DDAH1: variants seen among roughly 807,000 people sequenced by gnomAD.
DDAH1 encodes the protein dimethylarginine dimethylaminohydrolase 1.
Under a neutral mutation model 28.8 loss-of-function variants are expected in DDAH1, and 19 were observed. The ratio of observed to expected loss-of-function variants is 0.66; its 90% CI spans 0.46 to 0.97. DDAH1 has a LOEUF of 0.97. Ranked by LOEUF, DDAH1 falls within the 50% of genes least tolerant of loss-of-function variation. The pLI is 0.00. For missense variants in DDAH1, 326 were observed against 375.9 expected (o/e 0.87, Z 1.10); for synonymous variants, 153 against 154.4 (o/e 0.99, Z 0.07).
chr1:85,571,556 C>G (rs1659453260), intron 1 of DDAH1, among the ~76,000 whole-genome samples: 1 of 152,208 alleles, frequency 6.6e-6, no homozygotes, highest in Admixed American at 6.5e-5. Flanking sequence ...GCAGCTAGAG[C>G]CATGAAGCAA....
At chr1:85,373,332 T>C (rs1266616775) in intron 1 of DDAH1, among the ~76,000 whole-genome samples, 1 of 152,128 alleles carries the variant, frequency 6.6e-6, no homozygotes, top group African/African-American at 2.4e-5. Context: ...GAGTATCTGA[T>C]ATGGTTTGGC....
chr1:85,354,677 T>TTG (rs1649397853), intron 2 of DDAH1, among the ~76,000 whole-genome samples: 1 of 152,082 alleles, frequency 6.6e-6, no homozygotes, highest in South Asian at 2.1e-4. Flanking sequence ...AAAAAAAACC[T>TTG]CATTACCTTT....
chr1:85,323,419 G>C (rs796437031), intron 5 of DDAH1, among the ~76,000 whole-genome samples: 5 of 152,280 alleles, frequency 3.3e-5, no homozygotes, highest in South Asian at 4.1e-4. Context: ...AAAGTATATA[G>C]ATGAGACTGG....
intron 1 of DDAH1, among the ~76,000 whole-genome samples, chr1:85,574,326 CA>C (rs149730749): frequency 0.038 from 5,836 of 152,270 alleles, 411 homozygotes; most frequent in African/African-American, 0.13. Context: ...GAAACCTAGG[CA>C]AAAAGCTCAC....
At chr1:85,481,103 T>TTTG (rs1553140292) in intron 2 of DDAH1, among the ~76,000 whole-genome samples, 2 of 146,340 alleles carry the variant, frequency 1.4e-5, no homozygotes, top group East Asian at 2.0e-4. Flanking sequence ...TTTTTGTTTT[T>TTTG]TTTTTTTTTT....
intron 1 of DDAH1, among the ~76,000 whole-genome samples, chr1:85,419,540 T>TAAAAAAA (rs141947699): frequency 0.034 from 2,726 of 81,324 alleles, 111 homozygotes; most frequent in South Asian, 0.11. Context: ...AACTCCATCT[T>TAAAAAAA]AAAAAAAAAA....
upstream of DDAH1, chr1:85,465,349 G>T: frequency 2.5e-6 from 1 of 398,296 alleles, no homozygotes; most frequent in Non-Finnish European, 3.4e-6. Context: ...GGCCGGGGAA[G>T]CAGCGAGGGC....
At chr1:85,535,183 T>C (rs1411980862) in intron 1 of DDAH1, among the ~76,000 whole-genome samples, 1 of 152,204 alleles carries the variant, frequency 6.6e-6, no homozygotes, top group Non-Finnish European at 1.5e-5. Context: ...AAATCGATGT[T>C]AAAATTCTTC....
At chr1:85,453,669 T>G (rs1007154754) in intron 1 of DDAH1, among the ~76,000 whole-genome samples, 2 of 152,192 alleles carry the variant, frequency 1.3e-5, no homozygotes, top group African/African-American at 4.8e-5. Context: ...GAACCCCAAT[T>G]TATATGCCAG....
intron 1 of DDAH1, among the ~76,000 whole-genome samples, chr1:85,438,835 A>G (rs187651452): frequency 3.3e-4 from 51 of 152,344 alleles, no homozygotes; most frequent in Admixed American, 7.2e-4. Context: ...ACTTTTGTTG[A>G]GCAGACTAGG....
intron 1 of DDAH1, among the ~76,000 whole-genome samples, chr1:85,371,624 G>C (rs1379635762): frequency 6.6e-6 from 1 of 152,148 alleles, no homozygotes; most frequent in Non-Finnish European, 1.5e-5. Context: ...CAATAGTGTA[G>C]GCAAGGCTAT....
At chr1:85,513,083 C>T in intron 1 of DDAH1, among the ~76,000 whole-genome samples, 1 of 152,166 alleles carries the variant, frequency 6.6e-6, no homozygotes, top group Non-Finnish European at 1.5e-5. Flanking sequence ...AGGCATCACG[C>T]TACCTGACTT....
chr1:85,501,776 T>A (rs1384527622), intron 1 of DDAH1, among the ~76,000 whole-genome samples: 1 of 152,166 alleles, frequency 6.6e-6, no homozygotes, highest in East Asian at 1.9e-4. Flanking sequence ...GCTCCATATA[T>A]TTTGTCCAGT....
chr1:85,395,672 CAA>C lies in DDAH1; in HGVS notation c.304-36827_304-36826del, dbSNP rs71075833. Among the ~76,000 whole-genome samples the C allele has an allele frequency of 8.5e-3, 1,187 of 139,380 alleles. 13 individuals carry two copies. Among genetic ancestry groups the C allele is most frequent in the African/African-American group, 0.026 (991 of 37,510 alleles). The allele number at this position is 139,380 out of a possible 152,430, so 91.4% of individuals were successfully genotyped here. A position where few individuals can be genotyped will look rare whatever the true frequency, so the allele number is the denominator to read the frequency against. On this transcript the variant is annotated intron_variant, in intron 1 of 5. Transcript: ENST00000284031. ...AGGCAACAAGAGTGAGACTCCATCT[CAA>C]AAAAAAAAAAAGAAAAAAGAAAAAG...
chr1:85,470,807 C>T (rs1655589468), intron 2 of DDAH1, among the ~76,000 whole-genome samples: 1 of 152,178 alleles, frequency 6.6e-6, no homozygotes, highest in Non-Finnish European at 1.5e-5. Flanking sequence ...CTCCTAATCT[C>T]AGTTTCTCCA....
At chr1:85,419,655 G>T (rs1653049516) in intron 1 of DDAH1, among the ~76,000 whole-genome samples, 1 of 151,182 alleles carries the variant, frequency 6.6e-6, no homozygotes, top group Non-Finnish European at 1.5e-5. Flanking sequence ...TTCCTATATG[G>T]ACCTGCAAAT....
chr1:85,524,685 G>A (rs1279710446), intron 1 of DDAH1, among the ~76,000 whole-genome samples: 3 of 151,962 alleles, frequency 2.0e-5, no homozygotes, highest in Non-Finnish European at 4.4e-5. Flanking sequence ...AGGTCACTGG[G>A]AAGCTTGCTT....
intron 1 of DDAH1, among the ~76,000 whole-genome samples, chr1:85,444,246 G>A (rs999286218): frequency 6.6e-6 from 1 of 152,086 alleles, no homozygotes; most frequent in African/African-American, 2.4e-5. Flanking sequence ...TTTTGTCGAA[G>A]GTCTTTTCTG....
intron 1 of DDAH1, chr1:85,521,587 A>C (rs1215187763): frequency 6.2e-6 from 6 of 973,502 alleles, no homozygotes; most frequent in South Asian, 4.8e-5. Flanking sequence ...TTTGCTACTA[A>C]TAATAAAACC....
Sources: allele counts gnomAD v4.1 joint callset (sites outside exome capture counted in the v4.1 genomes callset), GRCh38; gene constraint gnomAD v4.1.1; transcripts MANE v1.5; gene names NCBI Gene and HGNC (gene_info 2026-07-23, HGNC 2026-07-21).